Variants in SLC44A5 observed in about 807,000 individuals in gnomAD.
SLC44A5 encodes the protein solute carrier family 44 member 5.
SLC44A5 carries 57 observed loss-of-function variants against 101.8 expected under a neutral mutation model. The ratio of observed to expected loss-of-function variants is 0.56; its 90% confidence interval spans 0.45 to 0.70. SLC44A5 has a LOEUF of 0.70. Among genes scored for constraint, SLC44A5 ranks in the 30% least tolerant of loss-of-function variants. The pLI, the probability that SLC44A5 is intolerant of heterozygous loss-of-function variation, is 0.00. For synonymous variants in SLC44A5, 281 were observed against 290.9 expected (o/e 0.97, Z 0.35); for missense variants, 737 against 853.1 (o/e 0.86, Z 1.70).
intron 12 of SLC44A5, among the ~76,000 whole-genome samples, chr1:75,232,539 A>G (rs966578786): frequency 1.6e-4 from 25 of 152,130 alleles, no homozygotes; most frequent in African/African-American, 5.8e-4. Context: ...GCTGTGCTCA[A>G]TAAGAAGCTC....
chr1:75,317,526 T>C (rs973972088), intron 4 of SLC44A5, among the ~76,000 whole-genome samples: 1 of 152,214 alleles, frequency 6.6e-6, no homozygotes. Context: ...TAAAGACAGG[T>C]TCTTAAGAAA....
chr1:75,491,747 A>G (rs1008325526), intron 2 of SLC44A5, among the ~76,000 whole-genome samples: 2 of 151,886 alleles, frequency 1.3e-5, no homozygotes, highest in East Asian at 1.9e-4. Flanking sequence ...ACACACACAC[A>G]CACAGTATTA....
chr1:75,423,565 T>G (rs1664137512), intron 2 of SLC44A5, among the ~76,000 whole-genome samples: 1 of 152,260 alleles, frequency 6.6e-6, no homozygotes, highest in South Asian at 2.1e-4. Context: ...CATATTTTGC[T>G]ATTTTACTAT....
chr1:75,265,716 T>A (rs1650928556), intron 6 of SLC44A5, among the ~76,000 whole-genome samples: 1 of 152,196 alleles, frequency 6.6e-6, no homozygotes, highest in Non-Finnish European at 1.5e-5. Context: ...ATATCAGTTT[T>A]AAAAAATCTT....
At chr1:75,384,103 T>C in intron 3 of SLC44A5, among the ~76,000 whole-genome samples, 1 of 151,906 alleles carries the variant, frequency 6.6e-6, no homozygotes, top group Non-Finnish European at 1.5e-5. Flanking sequence ...TGCAAAATCA[T>C]GCCAAAATGT....
At chr1:75,685,380 G>C in the SLC44A5 span, among the ~76,000 whole-genome samples, 2 of 152,114 alleles carry the variant, frequency 1.3e-5, no homozygotes, top group African/African-American at 4.8e-5. Flanking sequence ...CAGAAAATGG[G>C]TTTTTCTTTT....
intron 2 of SLC44A5, among the ~76,000 whole-genome samples, chr1:75,442,557 C>T (rs1209821383): frequency 1.3e-5 from 2 of 152,124 alleles, no homozygotes; most frequent in African/African-American, 2.4e-5. Flanking sequence ...TTGATATCTT[C>T]TTCAGGAAGA....
the SLC44A5 span, among the ~76,000 whole-genome samples, chr1:75,675,436 T>C: frequency 1.3e-5 from 2 of 152,200 alleles, no homozygotes; most frequent in African/African-American, 4.8e-5. Flanking sequence ...TATATAGGAA[T>C]GCTTAAGCTT....
At chr1:75,418,551 C>T (rs546570184) in intron 2 of SLC44A5, among the ~76,000 whole-genome samples, 2 of 152,174 alleles carry the variant, frequency 1.3e-5, no homozygotes, top group East Asian at 3.9e-4. Context: ...ATGGGGAAAG[C>T]ATTCCAGGCA....
intron 6 of SLC44A5, among the ~76,000 whole-genome samples, chr1:75,254,328 C>T (rs1387104932): frequency 4.6e-5 from 7 of 152,084 alleles, no homozygotes; most frequent in Non-Finnish European, 8.8e-5. Context: ...CATGTGCCAG[C>T]GCACCCGGCC....
chr1:75,318,969 C>A (rs1655931406), intron 4 of SLC44A5, among the ~76,000 whole-genome samples: 1 of 152,108 alleles, frequency 6.6e-6, no homozygotes, highest in South Asian at 2.1e-4. Flanking sequence ...ATCTCCCCAG[C>A]TCATATTTTC....
At chr1:75,333,786 GA>G (rs1053550878) in intron 4 of SLC44A5, among the ~76,000 whole-genome samples, 1 of 152,146 alleles carries the variant, frequency 6.6e-6, no homozygotes, top group African/African-American at 2.4e-5. Flanking sequence ...GAAGAATGTA[GA>G]AAAAATTCAA....
At chr1:75,404,256 C>T (rs1393361144) in intron 2 of SLC44A5, among the ~76,000 whole-genome samples, 2 of 152,068 alleles carry the variant, frequency 1.3e-5, no homozygotes, top group South Asian at 2.1e-4. Context: ...GAGAATGGAA[C>T]CACGTTGGAA....
At chr1:75,219,659 T>TG in intron 15 of SLC44A5, 141 bp downstream of exon 15, 1 of 630,970 alleles carries the variant, frequency 1.6e-6, no homozygotes, top group East Asian at 2.8e-5. Context: ...GATTGAAACG[T>TG]TTTTAGAGCT....
At chr1:75,302,280 A>C (rs1451454621) in intron 4 of SLC44A5, among the ~76,000 whole-genome samples, 1 of 151,900 alleles carries the variant, frequency 6.6e-6, no homozygotes, top group East Asian at 1.9e-4. Flanking sequence ...TAGAAAATGC[A>C]TACAGGTAAG....
At chr1:75,295,075 T>C (rs1653859204) in intron 5 of SLC44A5, among the ~76,000 whole-genome samples, 6 of 152,240 alleles carry the variant, frequency 3.9e-5, no homozygotes, top group African/African-American at 1.4e-4. Context: ...CGTGAGGTGA[T>C]ATATCTGTTA....
chr1:75,458,571 G>GT (rs1666320464), intron 2 of SLC44A5, among the ~76,000 whole-genome samples: 1 of 152,000 alleles, frequency 6.6e-6, no homozygotes, highest in Admixed American at 6.6e-5. Flanking sequence ...CATTACAGAA[G>GT]GATAGAGTGA....
At chr1:75,670,375 T>G in the SLC44A5 span, among the ~76,000 whole-genome samples, 4 of 152,072 alleles carry the variant, frequency 2.6e-5, no homozygotes, top group African/African-American at 9.7e-5. Context: ...AGAAAGACTC[T>G]AAAAAATTCT....
At chr1:75,369,368 T>C (rs887043445) in intron 3 of SLC44A5, among the ~76,000 whole-genome samples, 1 of 152,138 alleles carries the variant, frequency 6.6e-6, no homozygotes, top group Non-Finnish European at 1.5e-5. Context: ...CTACTCCATA[T>C]AGTATCAGAG....
Sources: gnomAD v4.1 joint callset for allele counts (sites outside exome capture counted in the v4.1 genomes callset) on GRCh38, gnomAD v4.1.1 for gene constraint, MANE v1.5 for transcripts, NCBI Gene and HGNC (gene_info 2026-07-23, HGNC 2026-07-21) for gene names.